FAM47E: variants seen among roughly 807,000 people sequenced by gnomAD.
The protein encoded by FAM47E is protein FAM47E.
Under a neutral mutation model 41.6 loss-of-function variants are expected in FAM47E, and 32 were observed. The observed-to-expected ratio is 0.77, with a 90% CI of 0.58 to 1.03. FAM47E has a LOEUF of 1.03. Ranked by LOEUF, FAM47E falls within the 50% of genes least tolerant of loss-of-function variation. FAM47E has a pLI of 0.00. For missense variants in FAM47E, 424 were observed against 485.4 expected, an observed-to-expected ratio of 0.87 and a Z score of 1.19; for synonymous variants, 184 against 188.7, an observed-to-expected ratio of 0.98 and a Z score of 0.20.
intron 2 of FAM47E, among the ~76,000 whole-genome samples, chr4:76,261,134 A>G (rs1479708927): frequency 6.6e-6 from 1 of 152,202 alleles, no homozygotes; most frequent in Non-Finnish European, 1.5e-5. Flanking sequence ...ATACCATCTC[A>G]TATCAGTCAG....
At chr4:76,223,370 C>T (rs914736862) in intron 2 of FAM47E, among the ~76,000 whole-genome samples, 3 of 152,050 alleles carry the variant, frequency 2.0e-5, no homozygotes, top group African/African-American at 7.2e-5. Context: ...AGTAGCCCAC[C>T]CCTTATTGGG....
chr4:76,217,549 C>G (rs1486854092), intron 1 of FAM47E: 2 of 469,014 alleles, frequency 4.3e-6, no homozygotes, highest in African/African-American at 3.9e-5. Flanking sequence ...ATGTGCCTCA[C>G]ACAGGTGTGC....
chr4:76,272,924 T>C (rs1017468855), intron 5 of FAM47E, among the ~76,000 whole-genome samples: 10 of 152,342 alleles, frequency 6.6e-5, no homozygotes, highest in African/African-American at 2.4e-4. Context: ...AGACCTCTTT[T>C]GACATTTCTT....
intron 2 of FAM47E, among the ~76,000 whole-genome samples, chr4:76,261,620 A>G (rs1314537399): frequency 6.6e-6 from 1 of 152,178 alleles, no homozygotes; most frequent in African/African-American, 2.4e-5. Context: ...GAGCTTAACA[A>G]TGGGTATACA....
chr4:76,277,949 G>T, intron 5 of FAM47E, 120 bp from the exon 6 acceptor site: 2 of 1,221,450 alleles, frequency 1.6e-6, no homozygotes, highest in Non-Finnish European at 1.1e-6. Context: ...AAAATACTTT[G>T]GCAAGGACCA....
At chr4:76,220,513 GCTTA>G (rs1248481914) in intron 2 of FAM47E, among the ~76,000 whole-genome samples, 2 of 152,162 alleles carry the variant, frequency 1.3e-5, no homozygotes, top group African/African-American at 2.4e-5. Flanking sequence ...TATAGTCCCA[GCTTA>G]CTTATGAGGT....
In FAM47E at chr4:76,217,578, G is replaced by A; in HGVS notation, c.-29-1G>A. On this transcript the variant is annotated splice_acceptor_variant, in intron 1 of 7. Transcript: ENST00000510197. LOFTEE classifies it low-confidence loss of function (5UTR_SPLICE). ...GGTGTGCTCCCTTTCTGCCTTCCCA[G>A]GAGTGGAAGCAGCCTGAGGCCCTCA... 2 of 521,252 alleles carry A rather than the reference G, an allele frequency of 3.8e-6. No individual in the cohort carries two copies. The highest frequency in any genetic ancestry group is 6.9e-6 in the Non-Finnish European group (2 of 288,304). 32.3% of individuals were successfully genotyped at this position (521,252 alleles called of 1,614,324 possible).
intron 2 of FAM47E, among the ~76,000 whole-genome samples, chr4:76,221,699 A>C (rs7659478): frequency 0.051 from 7,711 of 152,300 alleles, 638 homozygotes; most frequent in African/African-American, 0.17. Context: ...CTAAAGAGCT[A>C]AGCATCAAAC....
intron 2 of FAM47E, among the ~76,000 whole-genome samples, chr4:76,231,978 G>A (rs1733501210): frequency 6.6e-6 from 1 of 152,186 alleles, no homozygotes. Flanking sequence ...TTTTCCAATT[G>A]TGTCCCGTTG....
chr4:76,228,141 T>C (rs1355692624), intron 2 of FAM47E, among the ~76,000 whole-genome samples: 2 of 152,052 alleles, frequency 1.3e-5, no homozygotes, highest in Non-Finnish European at 2.9e-5. Flanking sequence ...ATTTATGCTC[T>C]AAGGAGGTTC....
At chr4:76,266,655 T>C (rs757640196) in intron 3 of FAM47E, among the ~76,000 whole-genome samples, 1 of 152,206 alleles carries the variant, frequency 6.6e-6, no homozygotes, top group Non-Finnish European at 1.5e-5. Context: ...CTTTTAAAAA[T>C]GTAAGTCAAG....
intron 1 of FAM47E, among the ~76,000 whole-genome samples, chr4:76,216,080 G>C (rs532484076): frequency 1.3e-5 from 2 of 152,226 alleles, no homozygotes; most frequent in Non-Finnish European, 2.9e-5. Context: ...TGATTCAACT[G>C]TCCCCAGCCT....
At chr4:76,261,602 A>T (rs901445640) in intron 2 of FAM47E, among the ~76,000 whole-genome samples, 1 of 152,194 alleles carries the variant, frequency 6.6e-6, no homozygotes, top group Admixed American at 6.5e-5. Context: ...GTTCTTGCTT[A>T]TAAGTGGGAG....
At chr4:76,278,282 C>T (rs1382153788) in intron 6 of FAM47E, 58 bp downstream of exon 6, 2 of 1,406,626 alleles carry the variant, frequency 1.4e-6, no homozygotes, top group Non-Finnish European at 1.9e-6. Context: ...AGTGCATCTG[C>T]CACCCTCCTA....
chr4:76,263,935 T>G, intron 3 of FAM47E, 92 bp downstream of exon 3: 1 of 1,472,980 alleles, frequency 6.8e-7, no homozygotes, highest in Admixed American at 2.4e-5. Context: ...TTTAGAATAC[T>G]TCTAATGAAG....
chr4:76,215,857 G>C (rs1271272443), intron 1 of FAM47E, among the ~76,000 whole-genome samples: 1 of 152,184 alleles, frequency 6.6e-6, no homozygotes, highest in East Asian at 1.9e-4. Flanking sequence ...GCAGAGGTGA[G>C]TGGTCCCTGC....
chr4:76,278,413 A>C, intron 6 of FAM47E, 189 bp downstream of exon 6: 1 of 555,594 alleles, frequency 1.8e-6, no homozygotes. Context: ...AAGACTTGGA[A>C]TCTCCTGGCT....
rs1264914151 is a variant in FAM47E, at chr4:76,283,399, A to T, written c.1123A>T (p.Ile375Phe). ...RTPRFLENMYIGKECKRACNK... is the reference protein window; with the variant it reads ...RTPRFLENMYFGKECKRACNK... ...TTTTTAGTTCCTTGAGAATATGTAT[A>T]TCGGGAAGGAATGTAAACGTGCATG... Residue 375 changes from isoleucine (I) to phenylalanine (F), a missense_variant, in exon 8 of 8, where the codon ATC becomes TTC. By Grantham distance (21) the Ile-to-Phe change is conservative. Transcript: ENST00000424749. 1 of 1,546,820 alleles carries T rather than the reference A, an allele frequency of 6.5e-7. No homozygotes were observed. The highest frequency in any genetic ancestry group is 8.7e-7 in the Non-Finnish European group (1 of 1,142,862).
chr4:76,243,963 A>C (rs759811192), intron 2 of FAM47E, among the ~76,000 whole-genome samples: 1 of 151,654 alleles, frequency 6.6e-6, no homozygotes, highest in Non-Finnish European at 1.5e-5. Context: ...TCATTGTTCA[A>C]CTCCCACTTA....
Sources: allele counts gnomAD v4.1 joint callset (sites outside exome capture counted in the v4.1 genomes callset), GRCh38; gene constraint gnomAD v4.1.1; transcripts MANE v1.5; gene names NCBI Gene and HGNC (gene_info 2026-07-23, HGNC 2026-07-21).